PTPN1: variants seen among roughly 807,000 people sequenced by gnomAD.
PTPN1 encodes protein tyrosine phosphatase non-receptor type 1.
PTPN1 carries 12 observed loss-of-function variants against 59.9 expected under a neutral mutation model. The ratio of observed to expected loss-of-function variants is 0.20; its 90% CI spans 0.13 to 0.32. The LOEUF (loss-of-function observed/expected upper bound fraction) is 0.32. Ranked by LOEUF, PTPN1 falls within the 10% of genes least tolerant of loss-of-function variation. PTPN1 has a pLI of 1.00. For missense variants in PTPN1, 356 were observed against 549.2 expected (o/e 0.65, Z 3.52); for synonymous variants, 178 against 203.6 (o/e 0.87, Z 1.07).
chr20:50,541,950 C>G (rs1025272591), intron 1 of PTPN1, among the ~76,000 whole-genome samples: 9 of 152,182 alleles, frequency 5.9e-5, no homozygotes, highest in Admixed American at 5.9e-4. Flanking sequence ...TACTAGCCAA[C>G]CTTGATGTTT....
At chr20:50,527,360 T>TC (rs11482861) in intron 1 of PTPN1, among the ~76,000 whole-genome samples, 1 of 152,050 alleles carries the variant, frequency 6.6e-6, no homozygotes, top group East Asian at 1.9e-4. Context: ...TTTTTTTTTT[T>TC]CCAGACTGAG....
At chr20:50,560,684 C>T (rs535786301) in intron 1 of PTPN1, among the ~76,000 whole-genome samples, 1 of 151,160 alleles carries the variant, frequency 6.6e-6, no homozygotes, top group South Asian at 2.1e-4. Context: ...TTTTTAGGTA[C>T]ACAGTTCAGT....
intron 1 of PTPN1, among the ~76,000 whole-genome samples, chr20:50,556,350 G>A (rs1400419223): frequency 6.6e-6 from 1 of 151,808 alleles, no homozygotes; most frequent in Non-Finnish European, 1.5e-5. Flanking sequence ...CACCACACCC[G>A]GCTATTTTTT....
chr20:50,521,197 G>A (rs2082549577), intron 1 of PTPN1, among the ~76,000 whole-genome samples: 1 of 152,218 alleles, frequency 6.6e-6, no homozygotes, highest in African/African-American at 2.4e-5. Flanking sequence ...GATGAATGTA[G>A]TTCCTTTTGA....
chr20:50,513,714 C>A (rs2082516809), intron 1 of PTPN1, among the ~76,000 whole-genome samples: 1 of 152,138 alleles, frequency 6.6e-6, no homozygotes. Context: ...TAGGTTAAAA[C>A]CATGTTGTAA....
rs549583361 is a variant in PTPN1, at chr20:50,584,879, A to T, written c.*2164A>T. ...GATGTTGTCAATCAGCTGGGGTTAG[A>T]GTTTTCCACTTCTAAGAATTAACCT... On this transcript the variant is annotated 3_prime_UTR_variant, in exon 10 of 10. Transcript: ENST00000371621. The T allele has an allele frequency of 5.9e-5, 9 of 152,234 alleles. No homozygotes were observed. Among genetic ancestry groups the T allele is most frequent in the Admixed American group, 5.9e-4 (9 of 15,284 alleles). 9.4% of individuals were successfully genotyped at this position (152,234 alleles called of 1,614,324 possible).
chr20:50,525,612 ATT>A (rs10854185), intron 1 of PTPN1, among the ~76,000 whole-genome samples: 22,406 of 146,744 alleles, frequency 0.15, 1,747 homozygotes, highest in South Asian at 0.24. Flanking sequence ...CCTGGATTTG[ATT>A]TTTTTTTTTT....
At chr20:50,559,030 ATTTT>A (rs35277786) in intron 1 of PTPN1, among the ~76,000 whole-genome samples, 1 of 119,458 alleles carries the variant, frequency 8.4e-6, no homozygotes. Flanking sequence ...ACGTCAGGGA[ATTTT>A]TTTTTTTTTT....
rs1568792973 is a variant in PTPN1 at position 50,568,333 on chromosome 20, CATGTT to C, written c.256-41_256-37del. 2 of 1,526,144 alleles carry C rather than the reference CATGTT, an allele frequency of 1.3e-6. No homozygotes were observed. Among genetic ancestry groups the C allele is most frequent in the South Asian group, 1.1e-5 (1 of 89,240 alleles). 94.5% of individuals were successfully genotyped at this position (1,526,144 alleles called of 1,614,324 possible). On this transcript the variant is annotated intron_variant, in intron 3 of 9. Transcript: ENST00000371621. The surrounding 1 kb of genome is among the most constrained non-coding windows in gnomAD (Gnocchi z 5.6). ...TGCAGAAGGTGAGCACACGCTGTAG[CATGTT>C]ATGTTTCAGATGTCACATGTTGTGT... is the stretch of plus-strand genomic sequence containing the variant.
chr20:50,517,823 G>C (rs2082535455), intron 1 of PTPN1, among the ~76,000 whole-genome samples: 3 of 152,136 alleles, frequency 2.0e-5, no homozygotes, highest in Admixed American at 2.0e-4. Flanking sequence ...TTAACCACTT[G>C]AAGTAAAGTT....
At chr20:50,512,350 GACA>G (rs1446943733) in intron 1 of PTPN1, among the ~76,000 whole-genome samples, 1 of 152,206 alleles carries the variant, frequency 6.6e-6, no homozygotes, top group Non-Finnish European at 1.5e-5. Context: ...TGACTGAGTT[GACA>G]ACAAGAAATA....
At chr20:50,547,060 A>C (rs570372873) in intron 1 of PTPN1, among the ~76,000 whole-genome samples, 2 of 152,354 alleles carry the variant, frequency 1.3e-5, no homozygotes, top group Admixed American at 1.3e-4. Context: ...TAGTGGTTCC[A>C]ATATGTTTTA....
At position 50,559,937 on chromosome 20, in the gene PTPN1, C is replaced by G. The variant is rs149044500; in HGVS notation, c.64-1426C>G. Among the ~76,000 whole-genome samples, 450 of 151,348 alleles carry G rather than the reference C, an allele frequency of 3.0e-3. 4 individuals are homozygous for G. The highest frequency in any genetic ancestry group is 8.6e-3 in the East Asian group (44 of 5,128). On this transcript the variant is annotated intron_variant, in intron 1 of 9. Transcript: ENST00000371621. ...TGTTATATCTGGTCATCAGTGGTAC[C>G]TGCATGTGGTGGAGAGTAGGGGCTT...
chr20:50,545,422 A>G (rs1382661262), intron 1 of PTPN1, among the ~76,000 whole-genome samples: 1 of 152,220 alleles, frequency 6.6e-6, no homozygotes, highest in Non-Finnish European at 1.5e-5. Flanking sequence ...GTAAGCACTC[A>G]CTGAACTGAT....
intron 1 of PTPN1, among the ~76,000 whole-genome samples, chr20:50,555,860 G>A (rs142817883): frequency 0.017 from 2,612 of 151,932 alleles, 28 homozygotes; most frequent in East Asian, 0.051. Context: ...GTAAATATTC[G>A]TTAGCTGAGT....
At chr20:50,570,629 G>A (rs1315574620) in intron 4 of PTPN1, among the ~76,000 whole-genome samples, 1 of 152,210 alleles carries the variant, frequency 6.6e-6, no homozygotes, top group East Asian at 1.9e-4. Context: ...GGAAGGGGAA[G>A]CCTGGTGGCC....
At chr20:50,526,115 T>C (rs1349821587) in intron 1 of PTPN1, among the ~76,000 whole-genome samples, 3 of 152,130 alleles carry the variant, frequency 2.0e-5, no homozygotes, top group African/African-American at 4.8e-5. Flanking sequence ...GTGCAGATTC[T>C]CTCTTTCACT....
intron 1 of PTPN1, among the ~76,000 whole-genome samples, chr20:50,538,536 G>A (rs891815032): frequency 6.6e-6 from 1 of 152,228 alleles, no homozygotes; most frequent in African/African-American, 2.4e-5. Flanking sequence ...CGTGTGTTTG[G>A]AGAAGAGTGG....
chr20:50,520,461 AATTCTTGT>A (rs1250364243), intron 1 of PTPN1, among the ~76,000 whole-genome samples: 4 of 152,184 alleles, frequency 2.6e-5, no homozygotes, highest in Non-Finnish European at 4.4e-5. Context: ...ACAGGTATGA[AATTCTTGT>A]TCCAAGCTAG....
Sources: allele counts gnomAD v4.1 joint callset (sites outside exome capture counted in the v4.1 genomes callset), GRCh38; gene constraint gnomAD v4.1.1; non-coding constraint Gnocchi (gnomAD v3.1); transcripts MANE v1.5; gene names NCBI Gene and HGNC (gene_info 2026-07-23, HGNC 2026-07-21).